Variants in ANAPC16 observed in about 807,000 individuals in gnomAD.
ANAPC16 encodes the protein anaphase-promoting complex subunit 16.
A neutral mutation model predicts 13.1 loss-of-function variants in ANAPC16; 6 were observed. That is an observed-to-expected ratio of 0.46 (90% CI 0.25 to 0.90). The LOEUF (loss-of-function observed/expected upper bound fraction) is 0.90, where lower values mean the gene tolerates loss of function less well. Ranked by LOEUF, ANAPC16 falls within the 40% of genes least tolerant of loss-of-function variation. The pLI is 0.18. For missense variants in ANAPC16, 113 were observed against 131.1 expected (o/e 0.86, Z 0.67); for synonymous variants, 55 against 51.3 (o/e 1.07, Z -0.31).
At position 72,218,215 on chromosome 10, in the gene ANAPC16, T is replaced by A. The variant is rs1278334671; in HGVS notation, c.-28+2077T>A. On this transcript the variant is annotated intron_variant, in intron 1 of 3. Coordinates refer to ENST00000299381, the MANE Select transcript of ANAPC16 (RefSeq NM_173473.4). ...ATATATATATATATATATATATATA[T>A]ATATGCCGGAGGTTGCAATTTTTTA... Among the ~76,000 whole-genome samples, 3 of 110,574 alleles carry A rather than the reference T, an allele frequency of 2.7e-5. No homozygotes were observed. The East Asian group carries it at 8.9e-4, about 33-fold the overall frequency. 72.5% of individuals were successfully genotyped at this position (110,574 alleles called of 152,430 possible).
chr10:72,232,546 A>T (rs1470455936), intron 3 of ANAPC16, among the ~76,000 whole-genome samples: 1 of 83,656 alleles, frequency 1.2e-5, no homozygotes, highest in Non-Finnish European at 2.4e-5. Flanking sequence ...TCCATTCCCC[A>T]CCCCCACCCC....
At chr10:72,220,644 G>A (rs1477279971) in intron 1 of ANAPC16, 6 of 148,838 alleles carry the variant, frequency 4.0e-5, no homozygotes, top group Non-Finnish European at 7.4e-5. Context: ...GTGACAGAGC[G>A]AGAGCCTGCC....
intron 2 of ANAPC16, 109 bp from the exon 3 acceptor site, chr10:72,230,257 C>A: frequency 1.3e-6 from 1 of 771,468 alleles, no homozygotes; most frequent in Non-Finnish European, 2.2e-6. Context: ...ACACTGAGAA[C>A]TAGACCCTGA....
chr10:72,227,995 C>T (rs1307628102), intron 2 of ANAPC16, among the ~76,000 whole-genome samples: 2 of 150,808 alleles, frequency 1.3e-5, no homozygotes, highest in African/African-American at 4.9e-5. Context: ...CATGCCACTG[C>T]CCCCCAGCCT....
chr10:72,225,852 TATC>T (rs1332412362), intron 2 of ANAPC16, among the ~76,000 whole-genome samples: 1 of 149,774 alleles, frequency 6.7e-6, no homozygotes, highest in Non-Finnish European at 1.5e-5. Flanking sequence ...GGTGAGCAGA[TATC>T]ATGCCACTGT....
At chr10:72,231,452 C>T (rs1249879663) in intron 3 of ANAPC16, among the ~76,000 whole-genome samples, 6 of 151,878 alleles carry the variant, frequency 4.0e-5, no homozygotes, top group East Asian at 3.9e-4. Context: ...TGAGTTGGGA[C>T]GATCGCTTCA....
intron 3 of ANAPC16, among the ~76,000 whole-genome samples, chr10:72,231,072 T>C (rs1355384186): frequency 6.6e-6 from 1 of 152,176 alleles, no homozygotes; most frequent in East Asian, 1.9e-4. Flanking sequence ...ACTTTTTCTG[T>C]TACATTAGGC....
rs745345482 is a variant in ANAPC16, at chr10:72,227,043, T to C, written c.142+2987T>C. The stretch of plus-strand genomic sequence containing the variant: ...ACTTCATTTATATGCAGCAAAGACC[T>C]AGTATTAAGGAAGTTTCCCACAAAA... On this transcript the variant is annotated intron_variant, in intron 2 of 3. Transcript: ENST00000299381. Among the ~76,000 whole-genome samples the C allele has an allele frequency of 7.9e-5, 12 of 152,320 alleles. No individual in the cohort carries two copies. In the Middle Eastern group the frequency reaches 0.01, roughly 130 times the overall value.
chr10:72,219,433 AAT>A (rs1440816263), intron 1 of ANAPC16, among the ~76,000 whole-genome samples: 1 of 152,178 alleles, frequency 6.6e-6, no homozygotes, highest in Non-Finnish European at 1.5e-5. Flanking sequence ...AGAGTGATCT[AAT>A]AACAAGATTG....
At chr10:72,230,782 T>C (rs1375369583) in intron 3 of ANAPC16, among the ~76,000 whole-genome samples, 2 of 152,032 alleles carry the variant, frequency 1.3e-5, no homozygotes, top group African/African-American at 4.8e-5. Flanking sequence ...TCCCAGCTAC[T>C]TGGGAGGCTG....
At position 72,223,999 on chromosome 10, in the gene ANAPC16, G is replaced by A. The variant is rs778744770; in HGVS notation, c.85G>A (p.Ala29Thr). 1.9e-6 allele frequency: 3 copies of A among 1,612,036 alleles called. No individual in the cohort carries two copies. The highest frequency in any genetic ancestry group is 1.3e-5 in the African/African-American group (1 of 74,898). The stretch of plus-strand genomic sequence containing the variant: ...ATCTGGTTTCAGTGTCTCAGACCTT[G>A]CCCCACCACGGAAAGCCCTTTTCAC... ...TGSGFSVSDL[A>T]PPRKALFTYP... is the part of the protein sequence containing the mutation. Residue 29 changes from alanine (A) to threonine (T), a missense_variant, in exon 2 of 4, where the codon GCC becomes ACC. Physicochemically the swap from Ala to Thr is moderately conservative, Grantham distance 58. Transcript: ENST00000299381.
chr10:72,232,867 G>A lies in ANAPC16; in HGVS notation c.218-134G>A, dbSNP rs1425168068. On this transcript the variant is annotated intron_variant, in intron 3 of 3. Transcript: ENST00000299381. ...GATCCGCCCGCCTCGGCCTCCCAAAGTGCTGGGATTATAGGCGTGATCCAC... is the reference window on the plus strand; with the variant it reads ...GATCCGCCCGCCTCGGCCTCCCAAAATGCTGGGATTATAGGCGTGATCCAC... The A allele has an allele frequency of 5.8e-6, 4 of 692,460 alleles. No individual in the cohort carries two copies. The East Asian group carries it at 8.3e-5, about 14-fold the overall frequency. The allele number at this position is 692,460 out of a possible 1,614,324, so 42.9% of individuals were successfully genotyped here.
chr10:72,223,776 A>C, intron 1 of ANAPC16, 112 bp from the exon 2 acceptor site: 1 of 793,230 alleles, frequency 1.3e-6, no homozygotes, highest in East Asian at 2.8e-5. Flanking sequence ...CATAGAAAAA[A>C]GGGGAGCTAA....
chr10:72,225,048 C>T (rs1860076225), intron 2 of ANAPC16, among the ~76,000 whole-genome samples: 1 of 152,120 alleles, frequency 6.6e-6, no homozygotes. Context: ...CTTTGGGAGG[C>T]CAAGGCGGGT....
At chr10:72,232,202 A>AAG (rs1860334953) in intron 3 of ANAPC16, among the ~76,000 whole-genome samples, 1 of 138,276 alleles carries the variant, frequency 7.2e-6, no homozygotes. Context: ...AAAAAAAAAA[A>AAG]AAAAAAAAAA....
At chr10:72,225,273 ACT>A (rs1860084640) in intron 2 of ANAPC16, among the ~76,000 whole-genome samples, 1 of 151,966 alleles carries the variant, frequency 6.6e-6, no homozygotes, top group East Asian at 1.9e-4. Flanking sequence ...ACAGAGCAAG[ACT>A]CTGTCTCAAA....
rs565422118 is a variant in ANAPC16 at position 72,234,060 on chromosome 10, G to T, written c.*944G>T. The T allele has an allele frequency of 6.8e-6, 1 of 147,396 alleles. No homozygotes were observed. Among genetic ancestry groups the T allele is most frequent in the Non-Finnish European group, 1.5e-5 (1 of 67,446 alleles). 9.1% of individuals were successfully genotyped at this position (147,396 alleles called of 1,614,324 possible). Reference sequence around the variant, plus strand: ...TTGCTCTTGTTGCCCAGGCTGTATCGCAATGGCGCGATCTCTGCTCACTGC... The same window carrying T: ...TTGCTCTTGTTGCCCAGGCTGTATCTCAATGGCGCGATCTCTGCTCACTGC... On this transcript the variant is annotated 3_prime_UTR_variant, in exon 4 of 4. Coordinates refer to ENST00000299381, the MANE Select transcript of ANAPC16 (RefSeq NM_173473.4).
chr10:72,218,162 AAAAATATATATATAT>A (rs1564789178), intron 1 of ANAPC16, among the ~76,000 whole-genome samples: 3 of 29,286 alleles, frequency 1.0e-4, no homozygotes, highest in South Asian at 1.5e-3. Flanking sequence ...AAAAAAAAAA[AAAAATATATATATAT>A]ATATATATAT....
intron 1 of ANAPC16, among the ~76,000 whole-genome samples, chr10:72,222,544 A>G (rs565106611): frequency 1.4e-4 from 21 of 148,584 alleles, no homozygotes; most frequent in African/African-American, 4.9e-4. Context: ...TGGGAGGCCA[A>G]GGCAGGCAAA....
Sources: gnomAD v4.1 joint callset for allele counts (sites outside exome capture counted in the v4.1 genomes callset) on GRCh38, gnomAD v4.1.1 for gene constraint, MANE v1.5 for transcripts, NCBI Gene and HGNC (gene_info 2026-07-23, HGNC 2026-07-21) for gene names.